CLSTN2: variants seen among roughly 807,000 people sequenced by gnomAD.
CLSTN2 encodes calsyntenin 2, also known as calsyntenin-2.
Under a neutral mutation model 101.2 loss-of-function variants are expected in CLSTN2, and 48 were observed. That is an observed-to-expected ratio of 0.47 (90% CI 0.38 to 0.60). The LOEUF (loss-of-function observed/expected upper bound fraction) is 0.60. Among genes scored for constraint, CLSTN2 ranks in the 20% least tolerant of loss-of-function variants. The pLI, the probability that CLSTN2 is intolerant of heterozygous loss-of-function variation, is 0.00. For synonymous variants in CLSTN2, 481 were observed against 463.6 expected, an observed-to-expected ratio of 1.04 and a Z score of -0.48; for missense variants, 1,160 against 1,238.2, an observed-to-expected ratio of 0.94 and a Z score of 0.95.
intron 2 of CLSTN2, among the ~76,000 whole-genome samples, chr3:140,310,878 T>A (rs2087160770): frequency 1.3e-5 from 2 of 152,258 alleles, no homozygotes; most frequent in Admixed American, 1.3e-4. Context: ...CAATGAATAT[T>A]AATTGTGTAC....
Position 140,558,762 on chromosome 3 carries a change from A to C in CLSTN2, c.1946A>C (p.Gln649Pro), listed in dbSNP as rs200746096. The C allele has an allele frequency of 2.6e-5, 42 of 1,613,972 alleles. No individual in the cohort carries two copies. Among genetic ancestry groups the C allele is most frequent in the Admixed American group, 1.7e-5 (1 of 60,004 alleles). ...GTDHFWRPAA[Q>P]FESARGVTLF... ...GACCACTTCTGGAGACCTGCTGCCC[A>C]GTTTGAAAGTGCCAGGGGAGTGACC... The change falls in exon 12 of 17, where the codon CAG (glutamine) becomes CCG (proline). Residue 649 changes from glutamine (Q) to proline (P), a missense_variant. By Grantham distance (76) the Gln-to-Pro change is moderately conservative (BLOSUM62 -1). Coordinates refer to ENST00000458420, the MANE Select transcript of CLSTN2 (RefSeq NM_022131.3).
intron 1 of CLSTN2, among the ~76,000 whole-genome samples, chr3:140,103,889 A>G (rs555811426): frequency 2.6e-4 from 40 of 152,244 alleles, no homozygotes; most frequent in Non-Finnish European, 4.7e-4. Flanking sequence ...TTGTGCAACA[A>G]TACAGAATAA....
At chr3:140,132,585 A>G (rs1270919214) in intron 1 of CLSTN2, among the ~76,000 whole-genome samples, 1 of 152,218 alleles carries the variant, frequency 6.6e-6, no homozygotes, top group Non-Finnish European at 1.5e-5. Flanking sequence ...TTTCTGCCTG[A>G]AAGTTGAATG....
chr3:140,262,843 G>T (rs1159089788), intron 2 of CLSTN2, among the ~76,000 whole-genome samples: 1 of 152,152 alleles, frequency 6.6e-6, no homozygotes, highest in Non-Finnish European at 1.5e-5. Context: ...AATGGGGACA[G>T]TAAGAAGTAT....
Position 140,564,104 on chromosome 3 carries a change from T to C in CLSTN2, c.2626T>C (p.Trp876Arg). The change falls in exon 16 of 17, where the codon TGG becomes CGG. Residue 876 changes from tryptophan (W) to arginine (R), a missense_variant. Physicochemically the swap from Trp to Arg is moderately radical, Grantham distance 101. Transcript: ENST00000458420. ...GGCTGCCAAGGAATCTGAGATGGAC[T>C]GGGACGATTCTGCGCTGACTATCAC... The part of the protein sequence containing the change: ...TEAAKESEMD[W>R]DDSALTITVN... The C allele has an allele frequency of 6.2e-7, 1 of 1,614,172 alleles. No homozygotes were observed.
intron 8 of CLSTN2, among the ~76,000 whole-genome samples, chr3:140,523,692 T>G (rs1331893758): frequency 6.6e-6 from 1 of 152,120 alleles, no homozygotes; most frequent in Non-Finnish European, 1.5e-5. Flanking sequence ...TTTCCCAAAG[T>G]CAGAACATGA....
chr3:139,941,225 A>C (rs184271134), intron 1 of CLSTN2, among the ~76,000 whole-genome samples: 3 of 152,200 alleles, frequency 2.0e-5, no homozygotes, highest in Non-Finnish European at 2.9e-5. Context: ...GGGAGGCCTG[A>C]GCTGGGGAAG....
At chr3:140,299,616 T>C (rs1307303431) in intron 2 of CLSTN2, among the ~76,000 whole-genome samples, 1 of 152,184 alleles carries the variant, frequency 6.6e-6, no homozygotes, top group African/African-American at 2.4e-5. Flanking sequence ...TCTCCTACTG[T>C]GTTTTTGTGT....
At chr3:140,098,270 T>G (rs541202005) in intron 1 of CLSTN2, among the ~76,000 whole-genome samples, 1 of 152,310 alleles carries the variant, frequency 6.6e-6, no homozygotes, top group Admixed American at 6.5e-5. Flanking sequence ...GTCATTTTTG[T>G]AACTACACCA....
intron 7 of CLSTN2, chr3:140,462,920 A>G (rs1183142645): frequency 6.6e-6 from 1 of 152,240 alleles, no homozygotes; most frequent in African/African-American, 2.4e-5. Context: ...CTTCTAATAC[A>G]CATTCCATTT....
At chr3:140,048,897 T>C (rs1485685232) in intron 1 of CLSTN2, among the ~76,000 whole-genome samples, 2 of 152,170 alleles carry the variant, frequency 1.3e-5, no homozygotes, top group Non-Finnish European at 2.9e-5. Flanking sequence ...AGACTCTCAC[T>C]TCCTGTTCTC....
At chr3:140,414,269 A>T (rs1312722507) in intron 4 of CLSTN2, among the ~76,000 whole-genome samples, 5 of 152,130 alleles carry the variant, frequency 3.3e-5, no homozygotes, top group Non-Finnish European at 5.9e-5. Context: ...ATCCAAAAAA[A>T]TTTTTAAAAA....
intron 2 of CLSTN2, among the ~76,000 whole-genome samples, chr3:140,234,028 A>G (rs771469579): frequency 1.3e-5 from 2 of 152,178 alleles, no homozygotes; most frequent in Non-Finnish European, 2.9e-5. Flanking sequence ...TTTATTCTTC[A>G]TCCCTTAACA....
chr3:140,057,501 T>G (rs1455152545), intron 1 of CLSTN2, among the ~76,000 whole-genome samples: 1 of 152,196 alleles, frequency 6.6e-6, no homozygotes, highest in Non-Finnish European at 1.5e-5. Context: ...TAAACTGAAT[T>G]TCTTAGCATG....
chr3:140,005,350 T>A (rs1383542221), intron 1 of CLSTN2, among the ~76,000 whole-genome samples: 2 of 152,204 alleles, frequency 1.3e-5, no homozygotes, highest in African/African-American at 4.8e-5. Flanking sequence ...TCTCATTCTC[T>A]CTCCATTTGT....
intron 1 of CLSTN2, among the ~76,000 whole-genome samples, chr3:140,133,538 G>A (rs1309212846): frequency 6.6e-6 from 1 of 152,158 alleles, no homozygotes; most frequent in Non-Finnish European, 1.5e-5. Flanking sequence ...CCAGGGACTG[G>A]GTGGAAGCAT....
chr3:140,480,526 C>G (rs1559882523), intron 8 of CLSTN2, among the ~76,000 whole-genome samples: 1 of 152,228 alleles, frequency 6.6e-6, no homozygotes, highest in Non-Finnish European at 1.5e-5. Flanking sequence ...CGCCAACTGA[C>G]TTCCACAATG....
Position 140,404,756 on chromosome 3 carries a change from C to A in CLSTN2, c.627C>A (p.Ile209=), listed in dbSNP as rs113602686. The change falls in exon 4 of 17, where the codon ATC becomes ATA. Residue 209 remains isoleucine, a synonymous_variant. Transcript: ENST00000458420. ...EIVTTDVPFA[I]DRNGNIRNTE... ...TCACCACAGATGTGCCTTTTGCCAT[C>A]GACAGAAATGGTGAGTGACCTCAGA... 33 of 1,614,132 alleles carry A rather than the reference C, an allele frequency of 2.0e-5. No individual in the cohort carries two copies. The African/African-American group carries it at 3.1e-4, about 15-fold the overall frequency.
At chr3:140,565,605 T>A (rs1282055907) in intron 16 of CLSTN2, among the ~76,000 whole-genome samples, 1 of 152,210 alleles carries the variant, frequency 6.6e-6, no homozygotes, top group African/African-American at 2.4e-5. Flanking sequence ...TTAGAATGCC[T>A]TCTGCTCCCA....
Sources: gnomAD v4.1 joint callset for allele counts (sites outside exome capture counted in the v4.1 genomes callset) on GRCh38, gnomAD v4.1.1 for gene constraint, MANE v1.5 for transcripts, NCBI Gene and HGNC (gene_info 2026-07-23, HGNC 2026-07-21) for gene names.